Variants in TASP1 observed in about 807,000 individuals in gnomAD.
The protein encoded by TASP1 is taspase 1.
TASP1 carries 16 observed loss-of-function variants against 56.6 expected under a neutral mutation model. The ratio of observed to expected loss-of-function variants is 0.28; its 90% CI spans 0.19 to 0.43. TASP1 has a LOEUF of 0.43. Among genes scored for constraint, TASP1 ranks in the 20% least tolerant of loss-of-function variants. The probability of loss-of-function intolerance (pLI) is 1.00; values close to 1 mark genes in which losing one functional copy is unlikely to be tolerated. For missense variants in TASP1, 393 were observed against 511.6 expected (o/e 0.77, Z 2.24); for synonymous variants, 179 against 184.2 (o/e 0.97, Z 0.23).
At chr20:13,156,546 C>T in the TASP1 span, among the ~76,000 whole-genome samples, 9 of 152,070 alleles carry the variant, frequency 5.9e-5, no homozygotes, top group East Asian at 5.8e-4. Flanking sequence ...ATTTATAAAA[C>T]GGGATATGAT....
intron 11 of TASP1, among the ~76,000 whole-genome samples, chr20:13,442,958 A>G (rs1030890092): frequency 6.6e-6 from 1 of 152,144 alleles, no homozygotes. Context: ...TTTAAATTGC[A>G]CTCTTCAGTT....
intron 4 of TASP1, among the ~76,000 whole-genome samples, chr20:13,619,672 A>C (rs898664980): frequency 6.6e-6 from 1 of 152,210 alleles, no homozygotes; most frequent in Non-Finnish European, 1.5e-5. Context: ...ACTATTTCAA[A>C]GGCAGCCAAA....
chr20:13,181,636 C>T, the TASP1 span, among the ~76,000 whole-genome samples: 1 of 152,214 alleles, frequency 6.6e-6, no homozygotes, highest in African/African-American at 2.4e-5. Context: ...GTCTTTTAAA[C>T]GTGATGACGA....
At chr20:13,573,447 A>G (rs2147159684) in intron 6 of TASP1, among the ~76,000 whole-genome samples, 1 of 152,336 alleles carries the variant, frequency 6.6e-6, no homozygotes, top group East Asian at 1.9e-4. Context: ...TATTGTTTAT[A>G]AGCTAACTAG....
the TASP1 span, chr20:13,154,286 C>T: frequency 1.1e-6 from 1 of 940,770 alleles, no homozygotes; most frequent in African/African-American, 1.7e-5. Flanking sequence ...ACCTGTCACT[C>T]TATCAGCTAG....
downstream of TASP1, among the ~76,000 whole-genome samples, chr20:13,388,760 C>T (rs2041182708): frequency 6.6e-6 from 1 of 152,144 alleles, no homozygotes; most frequent in Admixed American, 6.5e-5. Flanking sequence ...AAACAGATAC[C>T]ACGGCACCAA....
chr20:13,367,602 T>C, the TASP1 span, among the ~76,000 whole-genome samples: 16 of 152,170 alleles, frequency 1.1e-4, no homozygotes, highest in Admixed American at 8.5e-4. Flanking sequence ...AACCATCCAT[T>C]TGGGGAAAGA....
chr20:13,347,893 T>A, the TASP1 span, among the ~76,000 whole-genome samples: 3 of 151,836 alleles, frequency 2.0e-5, no homozygotes, highest in African/African-American at 7.3e-5. Context: ...CAATTCCTCA[T>A]AAGTGCCAGT....
chr20:13,437,511 C>T (rs2043047361), intron 11 of TASP1, among the ~76,000 whole-genome samples: 1 of 152,052 alleles, frequency 6.6e-6, no homozygotes, highest in African/African-American at 2.4e-5. Flanking sequence ...CTGGCCAGGG[C>T]AATCAGGCAG....
At chr20:13,436,872 G>A (rs182787583) in intron 11 of TASP1, among the ~76,000 whole-genome samples, 5 of 152,088 alleles carry the variant, frequency 3.3e-5, no homozygotes, top group East Asian at 1.9e-4. Context: ...TTTTTAGTTC[G>A]GCTTAGCGTT....
At chr20:13,329,281 G>A in the TASP1 span, among the ~76,000 whole-genome samples, 16 of 152,204 alleles carry the variant, frequency 1.1e-4, no homozygotes, top group African/African-American at 3.9e-4. Flanking sequence ...CAGGTAAAAT[G>A]AGGTAATTAG....
chr20:13,345,260 A>T, the TASP1 span, among the ~76,000 whole-genome samples: 1 of 152,194 alleles, frequency 6.6e-6, no homozygotes, highest in African/African-American at 2.4e-5. Flanking sequence ...ATTGATTTTT[A>T]AAAATAGCAG....
At position 13,509,897 on chromosome 20, in the gene TASP1, A is replaced by T. The variant is rs182190359; in HGVS notation, c.874+18536T>A. ...CACCTTGGCCTCCCAAAGTGCTGGG[A>T]TTACAGGCGTGAGCCACCACGTCTG... is the stretch of plus-strand genomic sequence containing the variant. On this transcript the variant is annotated intron_variant, in intron 10 of 13. Transcript: ENST00000337743. Among the ~76,000 whole-genome samples, 272 of 152,276 alleles carry T rather than the reference A, an allele frequency of 1.8e-3. 2 individuals carry two copies. Among genetic ancestry groups the T allele is most frequent in the Middle Eastern group, 3.4e-3 (1 of 294 alleles).
the TASP1 span, among the ~76,000 whole-genome samples, chr20:13,377,849 G>C: frequency 6.6e-6 from 1 of 152,248 alleles, no homozygotes; most frequent in East Asian, 1.9e-4. Flanking sequence ...AGATTTGCTA[G>C]TTTATTTGCA....
chr20:13,437,187 T>G (rs1241762780), intron 11 of TASP1, among the ~76,000 whole-genome samples: 1 of 152,174 alleles, frequency 6.6e-6, no homozygotes, highest in African/African-American at 2.4e-5. Context: ...ATCCCTGGGA[T>G]GCAAGGCTGG....
At chr20:13,548,940 C>T (rs187378133) in intron 8 of TASP1, among the ~76,000 whole-genome samples, 3 of 152,136 alleles carry the variant, frequency 2.0e-5, no homozygotes, top group African/African-American at 7.2e-5. Flanking sequence ...ATCTAATGAT[C>T]AGCCAGGTTT....
chr20:13,299,482 A>G, the TASP1 span: 6 of 1,574,616 alleles, frequency 3.8e-6, no homozygotes, highest in Admixed American at 1.0e-4. This position sits in a 1 kb window ranked among gnomAD's most constrained non-coding sequence, Gnocchi z 5.8. Flanking sequence ...GAGGTGGAGG[A>G]CGCTGCCTCT....
the TASP1 span, among the ~76,000 whole-genome samples, chr20:13,214,911 A>G: frequency 1.3e-5 from 2 of 152,356 alleles, no homozygotes; most frequent in East Asian, 1.9e-4. Context: ...AAAAGAGTAT[A>G]TACTGTAAAA....
At chr20:13,460,191 T>C (rs1389634833) in intron 11 of TASP1, among the ~76,000 whole-genome samples, 1 of 152,146 alleles carries the variant, frequency 6.6e-6, no homozygotes, top group Non-Finnish European at 1.5e-5. Flanking sequence ...CAGTGATCAG[T>C]TCCCCAGTCC....
Sources: allele counts gnomAD v4.1 joint callset (sites outside exome capture counted in the v4.1 genomes callset), GRCh38; gene constraint gnomAD v4.1.1; non-coding constraint Gnocchi (gnomAD v3.1); transcripts MANE v1.5; gene names NCBI Gene and HGNC (gene_info 2026-07-23, HGNC 2026-07-21).